Variants in ATAD3B observed in about 807,000 individuals in gnomAD.
ATAD3B encodes the protein ATPase family AAA domain containing 3B, also known as ATPase family AAA domain-containing protein 3B.
A neutral mutation model predicts 70.2 loss-of-function variants in ATAD3B; 59 were observed. The ratio of observed to expected loss-of-function variants is 0.84; its 90% confidence interval spans 0.68 to 1.04. The LOEUF (loss-of-function observed/expected upper bound fraction) is 1.04. Among genes scored for constraint, ATAD3B ranks in the 50% least tolerant of loss-of-function variants. ATAD3B has a pLI of 0.00. For synonymous variants in ATAD3B, 423 were observed against 388.6 expected (o/e 1.09, Z -1.04); for missense variants, 961 against 913.4 (o/e 1.05, Z -0.67).
At chr1:1,484,814 G>A (rs1640112852) in intron 7 of ATAD3B, 2 of 1,361,626 alleles carry the variant, frequency 1.5e-6, no homozygotes, top group Non-Finnish European at 9.7e-7. Context: ...CCTGAGTGAG[G>A]GCGTTATGAC....
intron 15 of ATAD3B, among the ~76,000 whole-genome samples, chr1:1,492,659 G>A (rs1640594232): frequency 1.3e-5 from 2 of 151,888 alleles, no homozygotes; most frequent in South Asian, 2.1e-4. Context: ...ACTGGACGGG[G>A]CCGGGTGTGG....
chr1:1,488,628 G>A (rs1245655271), intron 12 of ATAD3B, among the ~76,000 whole-genome samples: 1 of 151,970 alleles, frequency 6.6e-6, no homozygotes, highest in East Asian at 1.9e-4. Flanking sequence ...GCGTCGTGGG[G>A]CACGCATGTA....
intron 13 of ATAD3B, 36 bp downstream of exon 13, chr1:1,489,310 G>T: frequency 6.2e-7 from 1 of 1,612,732 alleles, no homozygotes. Context: ...CCCCCGGGCA[G>T]GGCTGTGCAG....
chr1:1,486,952 G>A (rs1640253434), intron 11 of ATAD3B, among the ~76,000 whole-genome samples: 1 of 151,128 alleles, frequency 6.6e-6, no homozygotes, highest in Admixed American at 6.6e-5. Context: ...ACAGCTGCAG[G>A]GGAGGCTCCT....
chr1:1,493,810 C>T (rs981618956), intron 15 of ATAD3B, among the ~76,000 whole-genome samples: 2 of 151,850 alleles, frequency 1.3e-5, no homozygotes, highest in Non-Finnish European at 2.9e-5. Flanking sequence ...AACTATACTG[C>T]TAAATTCGTT....
At chr1:1,483,167 G>A in intron 7 of ATAD3B, 1 of 392,218 alleles carries the variant, frequency 2.5e-6, no homozygotes, top group Non-Finnish European at 5.1e-6. Context: ...GCTGGGTGTG[G>A]TGACATGTGC....
chr1:1,482,984 G>C (rs1640002752), intron 7 of ATAD3B: 1 of 469,360 alleles, frequency 2.1e-6, no homozygotes, highest in African/African-American at 2.0e-5. Context: ...CTTGGCGAGA[G>C]AATAAGACCT....
In ATAD3B at chr1:1,495,790, C is replaced by T. The variant is rs369662039; in HGVS notation, c.1920C>T (p.Phe640=). 2 of 1,596,444 alleles carry T rather than the reference C, an allele frequency of 1.3e-6. No homozygotes were observed. The highest frequency in any genetic ancestry group is 1.3e-5 in the African/African-American group (1 of 74,672). Reference sequence around the variant, plus strand: ...TGTCTTGTGGTGGCGGTCGGCCGTTCTGCCCCCCAGGGCACCCCCTGTTGT... The same window carrying T: ...TGTCTTGTGGTGGCGGTCGGCCGTTTTGCCCCCCAGGGCACCCCCTGTTGT... The part of the protein sequence containing the change: ...PRMSCGGGRP[F]CPPGHPLL Residue 640 remains phenylalanine, a synonymous_variant, in exon 16 of 16, where the codon TTC becomes TTT. Transcript: ENST00000673477.
chr1:1,503,691 C>T, the ATAD3B span: 190 of 1,609,244 alleles, frequency 1.2e-4, no homozygotes, highest in Non-Finnish European at 1.5e-4. Context: ...GTGGGGAGGC[C>T]GGGGCGCACA....
At chr1:1,474,498 T>C (rs1639494898) in intron 1 of ATAD3B, among the ~76,000 whole-genome samples, 1 of 150,738 alleles carries the variant, frequency 6.6e-6, no homozygotes, top group Admixed American at 6.6e-5. Flanking sequence ...CTTTGCTCCG[T>C]AATTTTTCTG....
At chr1:1,474,138 G>A (rs1487132224) in intron 1 of ATAD3B, among the ~76,000 whole-genome samples, 1 of 151,956 alleles carries the variant, frequency 6.6e-6, no homozygotes, top group Non-Finnish European at 1.5e-5. Context: ...AACCGTCTCA[G>A]CCTCCTGAGG....
At chr1:1,503,040 G>C in the ATAD3B span, among the ~76,000 whole-genome samples, 1 of 150,668 alleles carries the variant, frequency 6.6e-6, no homozygotes. Context: ...CTGGCTAACA[G>C]GGTGAAACCC....
At chr1:1,488,335 C>T (rs896623347) in intron 12 of ATAD3B, among the ~76,000 whole-genome samples, 9 of 152,016 alleles carry the variant, frequency 5.9e-5, no homozygotes, top group Non-Finnish European at 1.2e-4. Flanking sequence ...AAGCAGTCCT[C>T]CTGCCTCAGC....
chr1:1,477,427 G>A (rs1456602764), intron 2 of ATAD3B, 77 bp downstream of exon 2: 1 of 1,601,726 alleles, frequency 6.2e-7, no homozygotes, highest in African/African-American at 1.3e-5. Context: ...GGCTGCTACT[G>A]GTGGGTAGGG....
At chr1:1,485,903 G>C in intron 9 of ATAD3B, 65 bp downstream of exon 9, 7 of 1,610,924 alleles carry the variant, frequency 4.3e-6, no homozygotes, top group Non-Finnish European at 4.2e-6. Flanking sequence ...GCTGGGCTGT[G>C]GCCCTTGCTA....
intron 1 of ATAD3B, among the ~76,000 whole-genome samples, chr1:1,473,746 G>A (rs1407491573): frequency 3.3e-5 from 5 of 151,988 alleles, no homozygotes; most frequent in African/African-American, 1.2e-4. Context: ...CACCCGCCTC[G>A]ACCTCCCAAA....
chr1:1,499,840 C>A (rs1303350900), downstream of ATAD3B, among the ~76,000 whole-genome samples: 1 of 149,124 alleles, frequency 6.7e-6, no homozygotes, highest in Non-Finnish European at 1.5e-5. Context: ...GTGATCCACC[C>A]ACCTCGGCCT....
intron 15 of ATAD3B, among the ~76,000 whole-genome samples, chr1:1,494,524 C>T (rs1570280456): frequency 6.6e-6 from 1 of 151,626 alleles, no homozygotes; most frequent in Admixed American, 6.6e-5. Flanking sequence ...CCCGGGCCCC[C>T]GACCCACAGT....
rs532550338 is a variant in ATAD3B at position 1,490,763 on chromosome 1, T to C, written c.1614+92T>C. 7.1e-4 allele frequency: 1,071 copies of C among 1,515,656 alleles called. 18 individuals are homozygous for C. In the African/African-American group the frequency reaches 0.013, roughly 18 times the overall value. The allele number at this position is 1,515,656 out of a possible 1,614,324, so 93.9% of individuals were successfully genotyped here. A position where few individuals can be genotyped will look rare whatever the true frequency, so the allele number is the denominator to read the frequency against. On this transcript the variant is annotated intron_variant, in intron 15 of 15. Transcript: ENST00000673477. ...CAGGCCTGTCCCAGCACCGGTGTCATGTGGGAGCTTCTGTTGAGGGGTTTT... is the reference window on the plus strand; with the variant it reads ...CAGGCCTGTCCCAGCACCGGTGTCACGTGGGAGCTTCTGTTGAGGGGTTTT...
Sources: gnomAD v4.1 joint callset for allele counts (sites outside exome capture counted in the v4.1 genomes callset) on GRCh38, gnomAD v4.1.1 for gene constraint, MANE v1.5 for transcripts, NCBI Gene and HGNC (gene_info 2026-07-23, HGNC 2026-07-21) for gene names.